CMTM4: variants seen among roughly 807,000 people sequenced by gnomAD.
CMTM4 encodes the protein CKLF-like MARVEL transmembrane domain-containing protein 4.
In CMTM4, 8 loss-of-function variants were observed where a neutral mutation model predicts 19.0. That is an observed-to-expected ratio of 0.42 (90% CI 0.25 to 0.76). The LOEUF (loss-of-function observed/expected upper bound fraction) is 0.76, where lower values mean the gene tolerates loss of function less well. Ranked by LOEUF, CMTM4 falls within the 30% of genes least tolerant of loss-of-function variation. CMTM4 has a pLI of 0.27. For missense variants in CMTM4, 228 were observed against 290.2 expected (o/e 0.79, Z 1.56); for synonymous variants, 106 against 121.1 (o/e 0.88, Z 0.82).
At chr16:66,638,104 TC>T (rs1316438358) in intron 1 of CMTM4, among the ~76,000 whole-genome samples, 1 of 152,176 alleles carries the variant, frequency 6.6e-6, no homozygotes, top group Non-Finnish European at 1.5e-5. Flanking sequence ...TGACTGCTTC[TC>T]CCTGCCAGAC....
At chr16:66,613,843 A>C (rs1261319707), downstream of CMTM4, 1 of 152,248 alleles carries the variant, frequency 6.6e-6, no homozygotes, top group Non-Finnish European at 1.5e-5. Flanking sequence ...GTGGATCCTG[A>C]CAGCTTTCAG....
chr16:66,606,633 G>C, the CMTM4 span, among the ~76,000 whole-genome samples: 2 of 152,152 alleles, frequency 1.3e-5, no homozygotes, highest in African/African-American at 4.8e-5. Context: ...ATGTTCAAAC[G>C]CAGCCACAGT....
At chr16:66,646,413 T>C (rs986738765) in intron 1 of CMTM4, among the ~76,000 whole-genome samples, 11 of 152,106 alleles carry the variant, frequency 7.2e-5, no homozygotes, top group Non-Finnish European at 1.3e-4. Flanking sequence ...TATGTACACA[T>C]TGTATATAAC....
intron 2 of CMTM4, 63 bp downstream of exon 2, chr16:66,636,342 G>C: frequency 7.2e-7 from 1 of 1,379,498 alleles, no homozygotes; most frequent in Non-Finnish European, 1.0e-6. Flanking sequence ...AGAGATTCCA[G>C]CTTTTCCTTG....
chr16:66,605,104 C>T, the CMTM4 span: 25 of 769,606 alleles, frequency 3.2e-5, no homozygotes, highest in Non-Finnish European at 4.6e-5. The surrounding 1 kb of genome is among the most constrained non-coding windows in gnomAD (Gnocchi z 4.6). Context: ...GGGCGCCTGG[C>T]GAAGTTGGGT....
the CMTM4 span, among the ~76,000 whole-genome samples, chr16:66,608,927 C>T: frequency 1.3e-5 from 2 of 152,170 alleles, no homozygotes; most frequent in East Asian, 3.8e-4. The surrounding 1 kb of genome is among the most constrained non-coding windows in gnomAD (Gnocchi z 5.1). Context: ...AGAGAAAGGG[C>T]AGCAAAGGCT....
rs2015634784 is a variant in CMTM4 at position 66,621,551 on chromosome 16, G to A, written c.*507C>T. 1 of 988,484 alleles carries A rather than the reference G, an allele frequency of 1.0e-6. No individual in the cohort carries two copies. Among genetic ancestry groups the A allele is most frequent in the East Asian group, 1.1e-4 (1 of 8,928 alleles). The allele number at this position is 988,484 out of a possible 1,614,324, so 61.2% of individuals were successfully genotyped here. On this transcript the variant is annotated 3_prime_UTR_variant, in exon 4 of 4. Coordinates refer to ENST00000394106, the MANE Select transcript of CMTM4 (RefSeq NM_181521.3). ...GCTTTCCCCAGCCCTGTGGCCTTTG[G>A]GCTGGTGCTGGCTGCCTGGGGGCCC...
intron 1 of CMTM4, among the ~76,000 whole-genome samples, chr16:66,642,813 AG>A (rs1329067348): frequency 6.6e-6 from 1 of 152,260 alleles, no homozygotes; most frequent in Non-Finnish European, 1.5e-5. Context: ...ATCTAAAAGC[AG>A]GAAGAGAAGG....
chr16:66,618,598 G>T lies in CMTM4; in HGVS notation c.*3460C>A, dbSNP rs1045530707. 75 of 985,364 alleles carry T rather than the reference G, an allele frequency of 7.6e-5. No individual in the cohort carries two copies. Among genetic ancestry groups the T allele is most frequent in the Admixed American group, 6.1e-5 (1 of 16,266 alleles). 61.0% of individuals were successfully genotyped at this position (985,364 alleles called of 1,614,324 possible). On this transcript the variant is annotated 3_prime_UTR_variant, in exon 4 of 4. Coordinates refer to ENST00000394106, the MANE Select transcript of CMTM4 (RefSeq NM_181521.3). ...CACGCAGGACATGGCACCCACTAGG[G>T]TTGTTCAGGTCTCATTCACTGCAAG...
rs1567432344 is a variant in CMTM4 at position 66,683,191 on chromosome 16, A to ATGTG, written c.186+13148_186+13149insCACA. ...TATATATATACATATGTATATATATATACATATATATATATATATAAATTT... is the reference window on the plus strand; with the variant it reads ...TATATATATACATATGTATATATATATGTGTACATATATATATATATATAAATTT... On this transcript the variant is annotated intron_variant, in intron 1 of 3. Coordinates refer to ENST00000394106, the MANE Select transcript of CMTM4 (RefSeq NM_181521.3). 2.7e-3 allele frequency among the ~76,000 whole-genome samples: 262 copies of ATGTG among 96,070 alleles called. 5 individuals carry two copies. The highest frequency in any genetic ancestry group is 0.016 in the South Asian group (39 of 2,364). 63.0% of individuals were successfully genotyped at this position (96,070 alleles called of 152,430 possible).
intron 1 of CMTM4, among the ~76,000 whole-genome samples, chr16:66,671,319 T>C (rs2016702410): frequency 6.6e-6 from 1 of 151,812 alleles, no homozygotes; most frequent in Non-Finnish European, 1.5e-5. Context: ...GCGGCACGGG[T>C]GGCTGGATGG....
chr16:66,677,632 T>C (rs2016832657), intron 1 of CMTM4, among the ~76,000 whole-genome samples: 1 of 152,188 alleles, frequency 6.6e-6, no homozygotes, highest in African/African-American at 2.4e-5. Context: ...CTCCTAATCA[T>C]TCTAGCCTGA....
At chr16:66,653,290 A>G (rs924097708) in intron 1 of CMTM4, among the ~76,000 whole-genome samples, 1 of 152,210 alleles carries the variant, frequency 6.6e-6, no homozygotes. Flanking sequence ...TTCAGCCAAA[A>G]TAGTGAACTG....
Position 66,682,079 on chromosome 16 carries a change from C to T in CMTM4, c.186+14261G>A, listed in dbSNP as rs151335914. 8.3e-3 allele frequency among the ~76,000 whole-genome samples: 1,270 copies of T among 152,288 alleles called. 18 individuals carry two copies. Among genetic ancestry groups the T allele is most frequent in the African/African-American group, 0.029 (1,218 of 41,566 alleles). ...GTACTTTTGTCTGCCCCACTCCAAA[C>T]CCTTACTCCCAAGAGCTCTGGGAGC... On this transcript the variant is annotated intron_variant, in intron 1 of 3. Transcript: ENST00000394106.
intron 1 of CMTM4, among the ~76,000 whole-genome samples, chr16:66,689,352 G>A (rs1458778349): frequency 2.0e-5 from 3 of 152,136 alleles, no homozygotes; most frequent in Non-Finnish European, 4.4e-5. Context: ...TTATGGAAAA[G>A]TACTGAATTT....
chr16:66,640,278 C>G (rs1486127415), intron 1 of CMTM4, among the ~76,000 whole-genome samples: 4 of 152,082 alleles, frequency 2.6e-5, no homozygotes, highest in African/African-American at 9.7e-5. Flanking sequence ...GCACTCCAGC[C>G]TGGGTGATAG....
In CMTM4 at chr16:66,619,120, G is replaced by C. The variant is rs2015581361; in HGVS notation, c.*2938C>G. The C allele has an allele frequency of 5.1e-6, 5 of 985,472 alleles. No homozygotes were observed. The South Asian group carries it at 2.3e-4, about 46-fold the overall frequency. The allele number at this position is 985,472 out of a possible 1,614,324, so 61.0% of individuals were successfully genotyped here. On this transcript the variant is annotated 3_prime_UTR_variant, in exon 4 of 4. Transcript: ENST00000394106. ...TCCCAGCTTTATGTGGGGCCAACAA[G>C]TATCTCCAGCCTTTCATGACTGTAA...
chr16:66,646,352 A>G (rs1456072554), intron 1 of CMTM4, among the ~76,000 whole-genome samples: 2 of 152,198 alleles, frequency 1.3e-5, no homozygotes, highest in Admixed American at 6.5e-5. Flanking sequence ...AGAAATATAC[A>G]TATTCATACA....
At chr16:66,670,439 CAAA>C (rs35296025) in intron 1 of CMTM4, among the ~76,000 whole-genome samples, 6 of 91,336 alleles carry the variant, frequency 6.6e-5, no homozygotes, top group Admixed American at 1.2e-4. Context: ...GACTCTGTCT[CAAA>C]AAAAAAAAAA....
Sources: gnomAD v4.1 joint callset for allele counts (sites outside exome capture counted in the v4.1 genomes callset) on GRCh38, gnomAD v4.1.1 for gene constraint, Gnocchi (gnomAD v3.1) non-coding constraint, MANE v1.5 for transcripts, NCBI Gene and HGNC (gene_info 2026-07-23, HGNC 2026-07-21) for gene names.